C16orf96: variants seen among roughly 807,000 people sequenced by gnomAD.
C16orf96 encodes the protein uncharacterized protein C16orf96.
In C16orf96, 108 loss-of-function variants were observed where a neutral mutation model predicts 103.6. The ratio of observed to expected loss-of-function variants is 1.04; its 90% confidence interval spans 0.89 to 1.22. The LOEUF is 1.22. Among genes scored for constraint, C16orf96 ranks in the 50% most tolerant of loss-of-function variants. The pLI is 0.00. For synonymous variants in C16orf96, 566 were observed against 593.5 expected (o/e 0.95, Z 0.67); for missense variants, 1,586 against 1,464.2 (o/e 1.08, Z -1.36).
At chr16:4,541,172 A>G in the C16orf96 span, among the ~76,000 whole-genome samples, 1 of 152,118 alleles carries the variant, frequency 6.6e-6, no homozygotes, top group Non-Finnish European at 1.5e-5. Flanking sequence ...TCTGCCTCCC[A>G]AAGTGCTGGG....
chr16:4,544,192 C>G, the C16orf96 span, among the ~76,000 whole-genome samples: 1 of 152,174 alleles, frequency 6.6e-6, no homozygotes. Context: ...TGAAAACTTG[C>G]TGATCTCTGG....
intron 1 of C16orf96, among the ~76,000 whole-genome samples, chr16:4,567,682 C>A (rs1269135478): frequency 3.5e-5 from 4 of 115,624 alleles, no homozygotes; most frequent in Admixed American, 9.4e-5. Context: ...TCAATAGTTT[C>A]TTCTGTTGCC....
In C16orf96 at chr16:4,600,550, C is replaced by T. The variant is rs12932413; in HGVS notation, c.*233C>T. The T allele has an allele frequency of 0.14, 64,666 of 469,886 alleles. 5,964 individuals carry two copies. The highest frequency in any genetic ancestry group is 0.22 in the South Asian group (10,432 of 47,472). The allele number at this position is 469,886 out of a possible 1,614,324, so 29.1% of individuals were successfully genotyped here. A position where few individuals can be genotyped will look rare whatever the true frequency, so the allele number is the denominator to read the frequency against. Reference sequence around the variant, plus strand: ...GAGGCTGAGACCCATATGCCCCCCCCACCCCCACCAAGTCCCGTCCCCGGC... The same window carrying T: ...GAGGCTGAGACCCATATGCCCCCCCTACCCCCACCAAGTCCCGTCCCCGGC... On this transcript the variant is annotated 3_prime_UTR_variant, in exon 16 of 16. Coordinates refer to ENST00000444310, the MANE Select transcript of C16orf96 (RefSeq NM_001145011.2).
intron 2 of C16orf96, among the ~76,000 whole-genome samples, chr16:4,572,596 C>T (rs1007700942): frequency 1.3e-5 from 2 of 152,094 alleles, no homozygotes; most frequent in Admixed American, 1.3e-4. Context: ...CCACCACATC[C>T]GGCAATACTG....
chr16:4,574,888 C>A, intron 3 of C16orf96, 84 bp from the exon 4 acceptor site: 1 of 1,522,526 alleles, frequency 6.6e-7, no homozygotes, highest in Non-Finnish European at 8.9e-7. Context: ...GAGGAGAACA[C>A]AGCCTGGAAA....
chr16:4,551,956 CCT>C (rs1325493318), upstream of C16orf96, among the ~76,000 whole-genome samples: 1 of 152,088 alleles, frequency 6.6e-6, no homozygotes, highest in Non-Finnish European at 1.5e-5. Flanking sequence ...CATTCCCCTC[CCT>C]GTGTCCATGT....
At chr16:4,594,862 G>T (rs2141764053) in intron 14 of C16orf96, 59 bp downstream of exon 14, 11 of 1,500,690 alleles carry the variant, frequency 7.3e-6, no homozygotes, top group Middle Eastern at 2.3e-4. Context: ...CTGCTGGGCA[G>T]GGTGAGAGGG....
chr16:4,549,201 G>A, the C16orf96 span, among the ~76,000 whole-genome samples: 4,735 of 152,158 alleles, frequency 0.031, 251 homozygotes, highest in African/African-American at 0.11. Flanking sequence ...CAGGCCGGGC[G>A]CGGTGGCTCA....
upstream of C16orf96, among the ~76,000 whole-genome samples, chr16:4,551,656 T>C (rs981973301): frequency 7.6e-4 from 1 of 1,316 alleles, no homozygotes; most frequent in African/African-American, 4.7e-3. Flanking sequence ...GGTTTCACCA[T>C]GTTAGCCAGG....
At position 4,575,055 on chromosome 16, in the gene C16orf96, C is replaced by T. The variant is rs1384430232; in HGVS notation, c.690C>T (p.Thr230=). ...LWSGLHDAMF[T]SEIGSSPLDL... Reference sequence around the variant, plus strand: ...GTGGCCTTCATGATGCCATGTTCACCTCAGTGAGTGAGGAAGGAAGGGGAG... The same window carrying T: ...GTGGCCTTCATGATGCCATGTTCACTTCAGTGAGTGAGGAAGGAAGGGGAG... The change falls in exon 4 of 16, where the codon ACC becomes ACT. Residue 230 remains threonine (T), a synonymous_variant. Transcript: ENST00000444310. The T allele has an allele frequency of 1.3e-6, 2 of 1,551,450 alleles. No homozygotes were observed. Among genetic ancestry groups the T allele is most frequent in the South Asian group, 2.4e-5 (2 of 84,062 alleles).
At chr16:4,570,064 C>T (rs1265562575) in intron 1 of C16orf96, among the ~76,000 whole-genome samples, 1 of 152,018 alleles carries the variant, frequency 6.6e-6, no homozygotes, top group Non-Finnish European at 1.5e-5. Flanking sequence ...TGAAGCGGCA[C>T]GTTTAAAGCC....
intron 1 of C16orf96, 102 bp from the exon 2 acceptor site, chr16:4,571,459 G>C: frequency 1.0e-6 from 1 of 988,710 alleles, no homozygotes; most frequent in Admixed American, 2.3e-5. Flanking sequence ...GGAGAGCCAA[G>C]AGGACCTCTT....
At chr16:4,555,945 C>T (rs1297482996), upstream of C16orf96, among the ~76,000 whole-genome samples, 4 of 152,070 alleles carry the variant, frequency 2.6e-5, no homozygotes, top group Admixed American at 6.6e-5. Flanking sequence ...GCAGTCCTCC[C>T]GCCTTTGCCT....
At chr16:4,596,037 A>G (rs1037228987) in intron 14 of C16orf96, among the ~76,000 whole-genome samples, 1 of 151,952 alleles carries the variant, frequency 6.6e-6, no homozygotes, top group South Asian at 2.1e-4. Flanking sequence ...TGACTCGAAG[A>G]CCAGACATGG....
chr16:4,541,214 G>C, the C16orf96 span, among the ~76,000 whole-genome samples: 1 of 152,162 alleles, frequency 6.6e-6, no homozygotes, highest in Non-Finnish European at 1.5e-5. Context: ...GCCCGGCCTG[G>C]ATTTTATTTC....
At chr16:4,549,183 C>T in the C16orf96 span, among the ~76,000 whole-genome samples, 1 of 151,982 alleles carries the variant, frequency 6.6e-6, no homozygotes, top group South Asian at 2.1e-4. Context: ...CACATCAAAA[C>T]AGAACACCAG....
chr16:4,562,525 C>G (rs182626684), intron 1 of C16orf96, among the ~76,000 whole-genome samples: 1 of 149,862 alleles, frequency 6.7e-6, no homozygotes. Flanking sequence ...ATTTACAAAA[C>G]CTTTATTCAC....
intron 8 of C16orf96, 25 bp downstream of exon 8, chr16:4,587,138 C>A (rs1290870741): frequency 6.5e-7 from 1 of 1,539,502 alleles, no homozygotes; most frequent in Non-Finnish European, 8.8e-7. Context: ...GTTCCTCTGC[C>A]TTCCCTGCTC....
intron 1 of C16orf96, among the ~76,000 whole-genome samples, chr16:4,558,585 C>G (rs1404766036): frequency 6.6e-6 from 1 of 151,962 alleles, no homozygotes; most frequent in East Asian, 1.9e-4. Flanking sequence ...GAACTCCAGC[C>G]TGGGGGACAG....
Sources: gnomAD v4.1 joint callset for allele counts (sites outside exome capture counted in the v4.1 genomes callset) on GRCh38, gnomAD v4.1.1 for gene constraint, MANE v1.5 for transcripts, NCBI Gene and HGNC (gene_info 2026-07-23, HGNC 2026-07-21) for gene names.